Variants in RECQL5 observed in about 807,000 individuals in gnomAD.
RECQL5 encodes the protein ATP-dependent DNA helicase Q5.
A neutral mutation model predicts 103.4 loss-of-function variants in RECQL5; 88 were observed. The ratio of observed to expected loss-of-function variants is 0.85; its 90% CI spans 0.72 to 1.02. RECQL5 has a LOEUF of 1.02. Ranked by LOEUF, RECQL5 falls within the 50% of genes least tolerant of loss-of-function variation. The probability of loss-of-function intolerance (pLI) is 0.00; values close to 1 mark genes in which losing one functional copy is unlikely to be tolerated. For synonymous variants in RECQL5, 552 were observed against 507.9 expected, an observed-to-expected ratio of 1.09 and a Z score of -1.17; for missense variants, 1,232 against 1,284.3, an observed-to-expected ratio of 0.96 and a Z score of 0.62.
rs2059114263 is a variant in RECQL5 at position 75,627,339 on chromosome 17, G to A, written c.*83C>T. 2 of 1,030,996 alleles carry A rather than the reference G, an allele frequency of 1.9e-6. No homozygotes were observed. Among genetic ancestry groups the A allele is most frequent in the Middle Eastern group, 2.1e-4 (1 of 4,836 alleles). 63.9% of individuals were successfully genotyped at this position (1,030,996 alleles called of 1,614,324 possible). On this transcript the variant is annotated 3_prime_UTR_variant, in exon 20 of 20. Coordinates refer to ENST00000317905, the MANE Select transcript of RECQL5 (RefSeq NM_004259.7). ...GGAGAAGGACTGAGAAAAGACGATG[G>A]CCCTGGCATCAGCAGGTGAGGCCCA... is the stretch of plus-strand genomic sequence containing the variant.
chr17:75,651,158 T>G (rs764006831), intron 8 of RECQL5, 28 bp downstream of exon 8: 51 of 1,614,052 alleles, frequency 3.2e-5, no homozygotes, highest in Non-Finnish European at 2.3e-5. Flanking sequence ...ACTGACACTT[T>G]GCTCCACATA....
At chr17:75,664,266 A>G (rs2059738425) in intron 3 of RECQL5, among the ~76,000 whole-genome samples, 1 of 152,142 alleles carries the variant, frequency 6.6e-6, no homozygotes. Flanking sequence ...ACACCTGTAG[A>G]GCAGATGTTA....
intron 1 of RECQL5, 91 bp from the exon 2 acceptor site, chr17:75,666,662 T>C (rs2059788432): frequency 7.1e-6 from 9 of 1,274,424 alleles, no homozygotes; most frequent in Non-Finnish European, 9.8e-6. Context: ...CTGTAACAAT[T>C]TGCTATATTA....
intron 11 of RECQL5, 57 bp from the exon 12 acceptor site, chr17:75,630,894 TC>T: frequency 6.4e-7 from 1 of 1,561,008 alleles, no homozygotes; most frequent in East Asian, 2.3e-5. Context: ...CGCTCTGAGG[TC>T]CCCCACAGCC....
intron 7 of RECQL5, 50 bp downstream of exon 7, chr17:75,658,248 C>CTGGAGAGTGG: frequency 6.4e-7 from 1 of 1,574,288 alleles, no homozygotes; most frequent in Non-Finnish European, 8.6e-7. Flanking sequence ...CTTCACAAAA[C>CTGGAGAGTGG]TGGAGAGTGG....
At chr17:75,641,058 C>A in intron 8 of RECQL5, 1 of 1,269,156 alleles carries the variant, frequency 7.9e-7, no homozygotes, top group Non-Finnish European at 1.1e-6. Context: ...TGAGCCCTAC[C>A]AAGGAAACAA....
chr17:75,646,061 G>C lies in RECQL5; in HGVS notation c.1229+5125C>G, dbSNP rs529336129. 6.6e-5 allele frequency among the ~76,000 whole-genome samples: 10 copies of C among 152,346 alleles called. No homozygotes were observed. The South Asian group carries it at 1.7e-3, about 25-fold the overall frequency. On this transcript the variant is annotated intron_variant, in intron 8 of 19. Transcript: ENST00000317905. Reference sequence around the variant, plus strand: ...GTGGCCACTAGGTTTCAAGCACCAGGGCACAGGCTTGATCCCCTCTTCCCA... The same window carrying C: ...GTGGCCACTAGGTTTCAAGCACCAGCGCACAGGCTTGATCCCCTCTTCCCA...
chr17:75,627,230 C>T lies in RECQL5; in HGVS notation c.*192G>A. 3.0e-6 allele frequency: 2 copies of T among 668,602 alleles called. No individual in the cohort carries two copies. The highest frequency in any genetic ancestry group is 3.1e-5 in the South Asian group (2 of 64,244). The allele number at this position is 668,602 out of a possible 1,614,324, so 41.4% of individuals were successfully genotyped here. A position where few individuals can be genotyped will look rare whatever the true frequency, so the allele number is the denominator to read the frequency against. ...CTCTGAGAAGGGTCTATAGGCTTTGCAAGCAGAAAGAAAGGTGGGCTGACC... is the reference window on the plus strand; with the variant it reads ...CTCTGAGAAGGGTCTATAGGCTTTGTAAGCAGAAAGAAAGGTGGGCTGACC... On this transcript the variant is annotated 3_prime_UTR_variant, in exon 20 of 20. Coordinates refer to ENST00000317905, the MANE Select transcript of RECQL5 (RefSeq NM_004259.7).
intron 7 of RECQL5, among the ~76,000 whole-genome samples, chr17:75,653,743 C>G (rs2059583325): frequency 6.6e-6 from 1 of 151,886 alleles, no homozygotes; most frequent in African/African-American, 2.4e-5. Context: ...ACTAAAAATA[C>G]AAAAATTAGC....
chr17:75,629,635 G>A (rs2059169080), intron 15 of RECQL5, 73 bp downstream of exon 15: 4 of 1,528,322 alleles, frequency 2.6e-6, no homozygotes, highest in Non-Finnish European at 3.5e-6. Context: ...GGCAAGAGGT[G>A]CACCCCTGAG....
Position 75,662,541 on chromosome 17 carries a change from C to G in RECQL5, c.709G>C (p.Asp237His), listed in dbSNP as rs377278442. 1 of 1,614,182 alleles carries G rather than the reference C, an allele frequency of 6.2e-7. No individual in the cohort carries two copies. The highest frequency in any genetic ancestry group is 8.5e-7 in the Non-Finnish European group (1 of 1,180,032). The change falls in exon 4 of 20, where the codon GAT becomes CAT. Residue 237 changes from aspartate (D) to histidine (H), a missense_variant. By Grantham distance (81) the Asp-to-His change is moderately conservative. Transcript: ENST00000317905. ...AAGTCCTTCAGGTTCCCATAGGGATCAGAAATCAGTTCCTTGAATTGCACA... is the reference window on the plus strand; with the variant it reads ...AAGTCCTTCAGGTTCCCATAGGGATGAGAAATCAGTTCCTTGAATTGCACA... ...YDVQFKELIS[D>H]PYGNLKDFCL...
At chr17:75,661,389 G>T (rs2059697210) in intron 5 of RECQL5, among the ~76,000 whole-genome samples, 1 of 152,162 alleles carries the variant, frequency 6.6e-6, no homozygotes, top group South Asian at 2.1e-4. Context: ...CTGCTGGGTA[G>T]GCATACAGTG....
intron 14 of RECQL5, 89 bp downstream of exon 14, chr17:75,630,095 C>A: frequency 1.7e-6 from 2 of 1,204,842 alleles, no homozygotes; most frequent in Non-Finnish European, 2.3e-6. Flanking sequence ...TTCTGGGCTG[C>A]CTGAGCCCAG....
rs981119025 is a variant in RECQL5, at chr17:75,662,153, C to T, written c.771+326G>A. ...TCCAGCCTGGGCAACAAGAGCAAAA[C>T]TCCATCTCAAAAAAAAAACAGGCCA... On this transcript the variant is annotated intron_variant, in intron 4 of 19. Coordinates refer to ENST00000317905, the MANE Select transcript of RECQL5 (RefSeq NM_004259.7). Among the ~76,000 whole-genome samples, 12 of 152,208 alleles carry T rather than the reference C, an allele frequency of 7.9e-5. No homozygotes were observed. The South Asian group carries it at 2.5e-3, about 32-fold the overall frequency.
At chr17:75,647,287 C>T in intron 8 of RECQL5, 2 of 1,208,348 alleles carry the variant, frequency 1.7e-6, no homozygotes, top group Non-Finnish European at 2.3e-6. Context: ...GCTACAGAGG[C>T]TGGAGTCGGC....
intron 8 of RECQL5, chr17:75,649,565 G>A (rs1599034285): frequency 8.5e-6 from 8 of 942,912 alleles, no homozygotes; most frequent in Non-Finnish European, 1.0e-5. Context: ...CCAAGGGATC[G>A]CTGGTGGGAG....
At chr17:75,633,526 T>C (rs1222293988) in intron 8 of RECQL5, 1 of 1,287,436 alleles carries the variant, frequency 7.8e-7, no homozygotes, top group African/African-American at 1.5e-5. Context: ...GATTCCAAGT[T>C]CTCCCCCAAG....
chr17:75,658,808 T>C (rs1219147901), intron 6 of RECQL5, among the ~76,000 whole-genome samples: 1 of 152,226 alleles, frequency 6.6e-6, no homozygotes, highest in African/African-American at 2.4e-5. Context: ...ATAACTTCTT[T>C]GGAGAGGGAA....
chr17:75,666,477 G>A lies in RECQL5; in HGVS notation c.81C>T (p.Asp27=). 1 of 1,614,122 alleles carries A rather than the reference G, an allele frequency of 6.2e-7. No individual in the cohort carries two copies. Among genetic ancestry groups the A allele is most frequent in the South Asian group, 1.1e-5 (1 of 91,076 alleles). ...TCTCCTGTAAAGGCGTCTTAAAAGA[G>A]TCAAACCCAAAGACCTTCTTCAGCG... ...RSTLKKVFGF[D]SFKTPLQESA... The change falls in exon 2 of 20, where the codon GAC becomes GAT. Residue 27 remains aspartate, a synonymous_variant. Coordinates refer to ENST00000317905, the MANE Select transcript of RECQL5 (RefSeq NM_004259.7).
Sources: gnomAD v4.1 joint callset for allele counts (sites outside exome capture counted in the v4.1 genomes callset) on GRCh38, gnomAD v4.1.1 for gene constraint, MANE v1.5 for transcripts, NCBI Gene and HGNC (gene_info 2026-07-23, HGNC 2026-07-21) for gene names.